CELF2: variants seen among roughly 807,000 people sequenced by gnomAD.
CELF2 encodes the protein CUGBP Elav-like family member 2.
CELF2 carries 8 observed loss-of-function variants against 62.6 expected under a neutral mutation model. The observed-to-expected ratio is 0.13, with a 90% CI of 0.07 to 0.23. The LOEUF is 0.23. CELF2 is among the 10% of genes least tolerant of loss of function. The pLI is 1.00. For synonymous variants in CELF2, 258 were observed against 250.0 expected, an observed-to-expected ratio of 1.03 and a Z score of -0.30; for missense variants, 333 against 671.0, an observed-to-expected ratio of 0.50 and a Z score of 5.56.
At chr10:11,261,483 C>T (rs1041103292) in intron 5 of CELF2, among the ~76,000 whole-genome samples, 1 of 151,928 alleles carries the variant, frequency 6.6e-6, no homozygotes, top group Admixed American at 6.6e-5. Flanking sequence ...TTTAAAATCC[C>T]ATCTTACTCA....
At chr10:11,161,273 G>T (rs1347630446) in intron 1 of CELF2, among the ~76,000 whole-genome samples, 1 of 152,234 alleles carries the variant, frequency 6.6e-6, no homozygotes, top group African/African-American at 2.4e-5. Context: ...TATGGCATCT[G>T]TCTTAGAGGA....
the CELF2 span, among the ~76,000 whole-genome samples, chr10:10,536,588 C>G: frequency 1.3e-5 from 2 of 152,160 alleles, no homozygotes; most frequent in Non-Finnish European, 2.9e-5. Context: ...ACTGTGACCC[C>G]AAACAGGGTT....
rs1162481554 is a variant in CELF2, at chr10:10,928,149, A to T, written c.89+8150A>T. Among the ~76,000 whole-genome samples the T allele has an allele frequency of 6.6e-6, 1 of 151,958 alleles. No individual in the cohort carries two copies. The highest frequency in any genetic ancestry group is 6.6e-5 in the Admixed American group (1 of 15,264). On this transcript the variant is annotated intron_variant, in intron 2 of 13. Coordinates refer to the CELF2 transcript ENST00000636488. The surrounding 1 kb of genome is among the most constrained non-coding windows in gnomAD (Gnocchi z 4.8). ...CACATCGCCATATTTATTGTCATCTATTTTTTATTTGTTGATTTATAAATG... is the reference window on the plus strand; with the variant it reads ...CACATCGCCATATTTATTGTCATCTTTTTTTTATTTGTTGATTTATAAATG...
chr10:11,136,466 T>C (rs954108405), intron 1 of CELF2, among the ~76,000 whole-genome samples: 4 of 152,234 alleles, frequency 2.6e-5, no homozygotes, highest in Non-Finnish European at 5.9e-5. Flanking sequence ...TAGCCAGGCA[T>C]GGTGGCAGGC....
At chr10:11,166,880 T>C (rs905124240) in intron 2 of CELF2, among the ~76,000 whole-genome samples, 4 of 152,252 alleles carry the variant, frequency 2.6e-5, no homozygotes, top group African/African-American at 9.6e-5. Flanking sequence ...TCTTGTTCCC[T>C]GTTGTTGCCA....
chr10:10,577,794 A>G, the CELF2 span, among the ~76,000 whole-genome samples: 2 of 152,028 alleles, frequency 1.3e-5, no homozygotes, highest in African/African-American at 4.8e-5. Context: ...AGTCTTTGCT[A>G]TTGTGAATAT....
chr10:10,634,670 T>TC, the CELF2 span, among the ~76,000 whole-genome samples: 6 of 150,932 alleles, frequency 4.0e-5, no homozygotes, highest in South Asian at 2.1e-4. Context: ...TCTTTTCTTT[T>TC]TTTTTTTTTT....
At chr10:10,462,986 A>G in the CELF2 span, among the ~76,000 whole-genome samples, 2 of 152,252 alleles carry the variant, frequency 1.3e-5, no homozygotes, top group Admixed American at 1.3e-4. Context: ...CTTGCAGACC[A>G]TAACGAGTCT....
Position 11,276,531 on chromosome 10 carries a change from T to C in CELF2, c.841+1411T>C, listed in dbSNP as rs191305759. Reference sequence around the variant, plus strand: ...AGAGAGAAGTAAAATATTCAGGGGATTTTCTGTGTTTTAAAAGAGAAAACC... The same window carrying C: ...AGAGAGAAGTAAAATATTCAGGGGACTTTCTGTGTTTTAAAAGAGAAAACC... On this transcript the variant is annotated intron_variant, in intron 8 of 12. Coordinates refer to ENST00000633077, the MANE Select transcript of CELF2 (RefSeq NM_001326342.2). Among the ~76,000 whole-genome samples the C allele has an allele frequency of 3.7e-3, 565 of 152,282 alleles. 3 individuals carry two copies. The highest frequency in any genetic ancestry group is 5.7e-3 in the Non-Finnish European group (385 of 68,014).
chr10:10,788,488 A>C, the CELF2 span, among the ~76,000 whole-genome samples: 3 of 90,446 alleles, frequency 3.3e-5, no homozygotes, highest in Non-Finnish European at 5.8e-5. Context: ...TTTGAGATGG[A>C]GTCTCGCTCT....
chr10:11,204,592 C>G (rs904752623), intron 2 of CELF2, among the ~76,000 whole-genome samples: 1 of 152,238 alleles, frequency 6.6e-6, no homozygotes, highest in Non-Finnish European at 1.5e-5. Flanking sequence ...AGCAGCCACC[C>G]GCAGAGAGCT....
intron 1 of CELF2, among the ~76,000 whole-genome samples, chr10:10,837,601 T>C (rs988874675): frequency 6.6e-6 from 1 of 152,198 alleles, no homozygotes; most frequent in Non-Finnish European, 1.5e-5. Flanking sequence ...GACGTTATAC[T>C]TGGCATTTTC....
the CELF2 span, among the ~76,000 whole-genome samples, chr10:10,582,447 G>C: frequency 1.3e-5 from 2 of 152,122 alleles, no homozygotes; most frequent in African/African-American, 4.8e-5. Context: ...TATAAGTTAA[G>C]GATAAGAAGG....
chr10:10,972,279 G>A lies in CELF2; in HGVS notation c.89+52280G>A, dbSNP rs1331659277. Among the ~76,000 whole-genome samples the A allele has an allele frequency of 3.9e-5, 6 of 152,054 alleles. No homozygotes were observed. Among genetic ancestry groups the A allele is most frequent in the Non-Finnish European group, 8.8e-5 (6 of 67,998 alleles). ...TTTTATAGAAAATGAAGAGTTCTGT[G>A]GTTAAATGATTTTAGGAAGCTCTAC... On this transcript the variant is annotated intron_variant, in intron 2 of 13. Transcript: ENST00000636488. The surrounding 1 kb of genome is among the most constrained non-coding windows in gnomAD (Gnocchi z 4.4).
At chr10:10,894,887 CTG>C (rs1392217776) in intron 1 of CELF2, among the ~76,000 whole-genome samples, 1 of 152,158 alleles carries the variant, frequency 6.6e-6, no homozygotes, top group Non-Finnish European at 1.5e-5. Flanking sequence ...AATCCCAGTG[CTG>C]TGTTTGCAAA....
chr10:10,500,636 G>A, the CELF2 span, among the ~76,000 whole-genome samples: 35 of 152,150 alleles, frequency 2.3e-4, 1 homozygote, highest in East Asian at 4.1e-3. Flanking sequence ...CTTATAAATT[G>A]CCCAGTCAGG....
chr10:10,649,344 G>T, the CELF2 span, among the ~76,000 whole-genome samples: 6 of 152,078 alleles, frequency 3.9e-5, no homozygotes, highest in African/African-American at 1.4e-4. Flanking sequence ...AGCGGGCTGG[G>T]TTTTCTCTTT....
intron 1 of CELF2, among the ~76,000 whole-genome samples, chr10:10,894,945 T>C (rs1405268790): frequency 6.6e-6 from 1 of 152,208 alleles, no homozygotes; most frequent in Non-Finnish European, 1.5e-5. Flanking sequence ...GGTAATATTA[T>C]GAAGTGAAAC....
intron 1 of CELF2, among the ~76,000 whole-genome samples, chr10:10,871,487 C>G (rs568070235): frequency 1.4e-4 from 22 of 152,256 alleles, no homozygotes; most frequent in Middle Eastern, 3.4e-3. Context: ...GCTACAACTT[C>G]TTTGCTTGTG....
Sources: allele counts gnomAD v4.1 joint callset (sites outside exome capture counted in the v4.1 genomes callset), GRCh38; gene constraint gnomAD v4.1.1; non-coding constraint Gnocchi (gnomAD v3.1); transcripts MANE v1.5; gene names NCBI Gene and HGNC (gene_info 2026-07-23, HGNC 2026-07-21).